Variants in ROBO2 observed in about 807,000 individuals in gnomAD.
ROBO2 encodes roundabout homolog 2.
Under a neutral mutation model 160.8 loss-of-function variants are expected in ROBO2, and 53 were observed. The observed-to-expected ratio is 0.33, with a 90% CI of 0.26 to 0.41. ROBO2 has a LOEUF of 0.41. ROBO2 is among the 10% of genes least tolerant of loss of function. The probability of loss-of-function intolerance (pLI) is 1.00; values close to 1 mark genes in which losing one functional copy is unlikely to be tolerated. For synonymous variants in ROBO2, 664 were observed against 611.7 expected (o/e 1.09, Z -1.26); for missense variants, 1,577 against 1,722.4 (o/e 0.92, Z 1.49).
At chr3:75,914,680 A>G (rs1484763456) in intron 1 of ROBO2, among the ~76,000 whole-genome samples, 1 of 152,206 alleles carries the variant, frequency 6.6e-6, no homozygotes, top group Non-Finnish European at 1.5e-5. Context: ...GTGAAAGGTG[A>G]AATTGGAGTA....
intron 2 of ROBO2, among the ~76,000 whole-genome samples, chr3:76,834,302 C>T (rs2067470801): frequency 6.6e-6 from 1 of 151,314 alleles, no homozygotes; most frequent in Non-Finnish European, 1.5e-5. Context: ...ATCCTCCTGC[C>T]TCAGCTTCCC....
chr3:76,051,353 A>G (rs1311453894), intron 2 of ROBO2, among the ~76,000 whole-genome samples: 2 of 152,202 alleles, frequency 1.3e-5, no homozygotes. Context: ...CTGATGAAAT[A>G]CTTTGAACTA....
chr3:77,347,509 ATATCTCCCCT>A (rs1389303803), intron 2 of ROBO2, among the ~76,000 whole-genome samples: 2 of 151,936 alleles, frequency 1.3e-5, no homozygotes, highest in African/African-American at 4.8e-5. Context: ...ATAGTGTGTC[ATATCTCCCCT>A]TATCTCTCCC....
intron 2 of ROBO2, among the ~76,000 whole-genome samples, chr3:76,217,251 G>A (rs865775173): frequency 1.3e-4 from 20 of 152,198 alleles, no homozygotes; most frequent in South Asian, 6.2e-4. Flanking sequence ...ACAATGAAAA[G>A]AACTAGAAAA....
chr3:76,730,282 G>A (rs1324756891), intron 2 of ROBO2, among the ~76,000 whole-genome samples: 3 of 68,054 alleles, frequency 4.4e-5, no homozygotes, highest in African/African-American at 8.9e-5. Flanking sequence ...CTCCCTACCC[G>A]CTTGTCCTCA....
At position 76,009,700 on chromosome 3, in the gene ROBO2, A is replaced by G. The variant is rs891670030; in HGVS notation, c.109+72098A>G. On this transcript the variant is annotated intron_variant, in intron 2 of 26. Transcript: ENST00000487694. ...AAGAAACATTCCCTCATGCATATAT[A>G]GTTTTAGTTTAATGTAAGTGAATAA... Among the ~76,000 whole-genome samples, 6 of 152,202 alleles carry G rather than the reference A, an allele frequency of 3.9e-5. No homozygotes were observed. In the East Asian group the frequency reaches 1.2e-3, roughly 29 times the overall value.
intron 17 of ROBO2, 42 bp downstream of exon 18, chr3:77,588,975 G>A: frequency 1.2e-6 from 2 of 1,603,160 alleles, no homozygotes; most frequent in African/African-American, 1.3e-5. Flanking sequence ...TTGTCTGTAG[G>A]AATGTAATGA....
At chr3:77,149,271 G>A (rs898794542) in intron 2 of ROBO2, among the ~76,000 whole-genome samples, 41 of 151,926 alleles carry the variant, frequency 2.7e-4, no homozygotes, top group Non-Finnish European at 7.4e-5. Context: ...TCCTGACCTC[G>A]TGATTTGCTT....
chr3:76,256,615 G>C (rs1706405918), intron 2 of ROBO2, among the ~76,000 whole-genome samples: 1 of 151,954 alleles, frequency 6.6e-6, no homozygotes, highest in African/African-American at 2.4e-5. Context: ...GGAGGCTGAG[G>C]TGGGAGGACC....
At chr3:77,215,667 G>T (rs1425102187) in intron 2 of ROBO2, among the ~76,000 whole-genome samples, 1 of 152,122 alleles carries the variant, frequency 6.6e-6, no homozygotes, top group African/African-American at 2.4e-5. Flanking sequence ...GATTTTTAGA[G>T]TTTCCAGTTT....
At chr3:76,584,040 C>G (rs910634372) in intron 2 of ROBO2, among the ~76,000 whole-genome samples, 1 of 152,132 alleles carries the variant, frequency 6.6e-6, no homozygotes, top group Non-Finnish European at 1.5e-5. Context: ...TCTTCAAACT[C>G]TCCTCCTTGC....
intron 15 of ROBO2, among the ~76,000 whole-genome samples, chr3:77,578,583 AC>A (rs1298239162): frequency 6.6e-6 from 1 of 152,106 alleles, no homozygotes; most frequent in African/African-American, 2.4e-5. Flanking sequence ...TTAAAGAATA[AC>A]TTGCTAAAGC....
intron 2 of ROBO2, among the ~76,000 whole-genome samples, chr3:76,135,799 A>G (rs982571250): frequency 2.0e-5 from 3 of 152,108 alleles, no homozygotes; most frequent in African/African-American, 7.2e-5. Flanking sequence ...TCTAAATAGC[A>G]CTTTACAATT....
At chr3:76,829,455 G>A (rs2066876385) in intron 2 of ROBO2, among the ~76,000 whole-genome samples, 1 of 151,752 alleles carries the variant, frequency 6.6e-6, no homozygotes, top group Non-Finnish European at 1.5e-5. Flanking sequence ...TTCTGCACAT[G>A]TACCCCAGAA....
intron 1 of ROBO2, among the ~76,000 whole-genome samples, chr3:77,043,618 A>G (rs568408164): frequency 2.0e-5 from 3 of 152,284 alleles, no homozygotes; most frequent in Admixed American, 2.0e-4. Context: ...ACTTTTCTGT[A>G]TGATCATATA....
chr3:76,698,309 A>G (rs957014477), intron 2 of ROBO2, among the ~76,000 whole-genome samples: 4 of 152,206 alleles, frequency 2.6e-5, no homozygotes, highest in Admixed American at 6.5e-5. Context: ...GTTCCCTGGC[A>G]AAGTGTTAAT....
chr3:76,966,972 G>A (rs1188427037), intron 2 of ROBO2, among the ~76,000 whole-genome samples: 2 of 152,188 alleles, frequency 1.3e-5, no homozygotes, highest in African/African-American at 4.8e-5. Flanking sequence ...AATATGGCCA[G>A]CAATGCGGAA....
intron 1 of ROBO2, among the ~76,000 whole-genome samples, chr3:77,068,811 A>G (rs1014236605): frequency 2.0e-5 from 3 of 152,102 alleles, no homozygotes; most frequent in Non-Finnish European, 4.4e-5. Context: ...TAAATAGAAC[A>G]TATTATCTAA....
intron 2 of ROBO2, among the ~76,000 whole-genome samples, chr3:76,931,615 C>T (rs2077349361): frequency 6.6e-6 from 1 of 151,498 alleles, no homozygotes; most frequent in Non-Finnish European, 1.5e-5. Context: ...ATTCTTTTAT[C>T]ACGGTCATCA....
Sources: allele counts gnomAD v4.1 joint callset (sites outside exome capture counted in the v4.1 genomes callset), GRCh38; gene constraint gnomAD v4.1.1; transcripts MANE v1.5; gene names NCBI Gene and HGNC (gene_info 2026-07-23, HGNC 2026-07-21).